DIMT1: variants seen among roughly 807,000 people sequenced by gnomAD.
The protein encoded by DIMT1 is dimethyladenosine transferase.
DIMT1 carries 36 observed loss-of-function variants against 43.2 expected under a neutral mutation model. The observed-to-expected ratio is 0.83, with a 90% CI of 0.64 to 1.10. DIMT1 has a LOEUF of 1.10. DIMT1 is among the 50% of genes least tolerant of loss of function. DIMT1 has a pLI of 0.00. For synonymous variants in DIMT1, 126 were observed against 130.3 expected (o/e 0.97, Z 0.22); for missense variants, 341 against 385.3 (o/e 0.88, Z 0.96).
chr5:62,402,561 G>C lies in DIMT1; in HGVS notation c.154-439C>G, dbSNP rs1478014912. Among the ~76,000 whole-genome samples, 8 of 152,238 alleles carry C rather than the reference G, an allele frequency of 5.3e-5. No individual in the cohort carries two copies. In the South Asian group the frequency reaches 1.7e-3, roughly 31 times the overall value. On this transcript the variant is annotated intron_variant, in intron 2 of 11. Coordinates refer to ENST00000199320, the MANE Select transcript of DIMT1 (RefSeq NM_014473.4). ...AAACTGTACACAAAATTGAATGTCT[G>C]CACACAGCTCTAATATTCTACGGCC...
chr5:62,403,729 C>T lies in DIMT1; in HGVS notation c.44G>A (p.Arg15Gln), dbSNP rs1395551380. 2 of 1,609,728 alleles carry T rather than the reference C, an allele frequency of 1.2e-6. No homozygotes were observed. Among genetic ancestry groups the T allele is most frequent in the South Asian group, 2.2e-5 (2 of 90,886 alleles). The change falls in exon 1 of 12, where the codon CGG (arginine) becomes CAG (glutamine). Residue 15 changes from arginine (R) to glutamine (Q), a missense_variant. Transcript: ENST00000199320. The stretch of plus-strand genomic sequence containing the variant: ...CTTCAGCTCCCGGCGCTGCTCCTGC[C>T]GCCCGCGGCGGCGGCCGATGGCCCC... Reference protein sequence around the residue: ...KSGAIGRRRGRQEQRRELKSA... With the variant: ...KSGAIGRRRGQQEQRRELKSA...
chr5:62,398,137 A>T (rs950055955), intron 6 of DIMT1, among the ~76,000 whole-genome samples: 1 of 152,074 alleles, frequency 6.6e-6, no homozygotes, highest in African/African-American at 2.4e-5. Context: ...GTGCAAAAAA[A>T]TTTTGAAATC....
rs1742109929 is a variant in DIMT1 at position 62,387,828 on chromosome 5, A to T, written c.*1182T>A. The T allele has an allele frequency of 6.6e-6, 1 of 152,172 alleles. No homozygotes were observed. Among genetic ancestry groups the T allele is most frequent in the Admixed American group, 6.5e-5 (1 of 15,274 alleles). The allele number at this position is 152,172 out of a possible 1,614,324, so 9.4% of individuals were successfully genotyped here. A position where few individuals can be genotyped will look rare whatever the true frequency, so the allele number is the denominator to read the frequency against. ...CTTTGTTCTGGATTATACATTAAGA[A>T]CAAGCATTATTTTAATTATGTAGTA... On this transcript the variant is annotated 3_prime_UTR_variant, in exon 12 of 12. Coordinates refer to ENST00000199320, the MANE Select transcript of DIMT1 (RefSeq NM_014473.4).
At chr5:62,396,385 G>A (rs749268315) in intron 6 of DIMT1, among the ~76,000 whole-genome samples, 3 of 151,896 alleles carry the variant, frequency 2.0e-5, no homozygotes, top group Non-Finnish European at 2.9e-5. Flanking sequence ...GCACATGCCC[G>A]TAATCGCAGC....
chr5:62,403,296 T>C lies in DIMT1; in HGVS notation c.130A>G (p.Ile44Val), dbSNP rs759037811. ...ACCTTATCGATAATGCTGTTAATAATGAGAGGATTTTTCAAAATGTGCTGC... is the reference window on the plus strand; with the variant it reads ...ACCTTATCGATAATGCTGTTAATAACGAGAGGATTTTTCAAAATGTGCTGC... ...IGQHILKNPLIINSIIDKAAL... is the reference protein window; with the variant it reads ...IGQHILKNPLVINSIIDKAAL... The change falls in exon 2 of 12, where the codon ATT (isoleucine) becomes GTT (valine). Residue 44 changes from isoleucine to valine, a missense_variant. Ile to Val is a conservative substitution (Grantham distance 29). Transcript: ENST00000199320. 1.2e-6 allele frequency: 2 copies of C among 1,613,744 alleles called. No individual in the cohort carries two copies. Among genetic ancestry groups the C allele is most frequent in the East Asian group, 2.2e-5 (1 of 44,890 alleles).
At chr5:62,392,366 T>C (rs1375560273) in intron 9 of DIMT1, 132 bp from the exon 10 acceptor site, 1 of 693,752 alleles carries the variant, frequency 1.4e-6, no homozygotes, top group Admixed American at 2.9e-5. Context: ...ATTAAATCTA[T>C]ATTCTGTATG....
rs558072824 is a variant in DIMT1 at position 62,388,664 on chromosome 5, A to G, written c.*346T>C. The G allele has an allele frequency of 6.5e-5, 13 of 200,336 alleles. 1 individual carries two copies. In the South Asian group the frequency reaches 1.5e-3, roughly 23 times the overall value. 12.4% of individuals were successfully genotyped at this position (200,336 alleles called of 1,614,324 possible). A position where few individuals can be genotyped will look rare whatever the true frequency, so the allele number is the denominator to read the frequency against. On this transcript the variant is annotated 3_prime_UTR_variant, in exon 12 of 12. Transcript: ENST00000199320. ...TTTTATTACTGGAGGAACAGAGCTAAAGGCCTAAAGAAGGCCTTACAGTAT... is the reference window on the plus strand; with the variant it reads ...TTTTATTACTGGAGGAACAGAGCTAGAGGCCTAAAGAAGGCCTTACAGTAT...
Position 62,389,109 on chromosome 5 carries a change from G to A in DIMT1, c.900-57C>T, listed in dbSNP as rs192503072. 7.8e-5 allele frequency: 113 copies of A among 1,456,048 alleles called. No individual in the cohort carries two copies. The African/African-American group carries it at 1.4e-3, about 18-fold the overall frequency. 90.2% of individuals were successfully genotyped at this position (1,456,048 alleles called of 1,614,324 possible). A position where few individuals can be genotyped will look rare whatever the true frequency, so the allele number is the denominator to read the frequency against. ...GAAAAGCTAATTTGTAGCACATAAC[G>A]GTATATAGTTCTATACCATTAATAC... On this transcript the variant is annotated intron_variant, in intron 11 of 11. Transcript: ENST00000199320.
chr5:62,397,446 C>G (rs1742536813), intron 6 of DIMT1, among the ~76,000 whole-genome samples: 1 of 152,210 alleles, frequency 6.6e-6, no homozygotes, highest in East Asian at 1.9e-4. Flanking sequence ...GCTAAACCAA[C>G]TGTGATGTCT....
At chr5:62,400,047 C>T (rs538816991) in intron 3 of DIMT1, among the ~76,000 whole-genome samples, 1 of 152,192 alleles carries the variant, frequency 6.6e-6, no homozygotes, top group Admixed American at 6.5e-5. Flanking sequence ...GAAAAAAATA[C>T]ACTACATGTC....
intron 6 of DIMT1, 33 bp from the exon 7 acceptor site, chr5:62,394,640 G>T: frequency 6.2e-7 from 1 of 1,610,338 alleles, no homozygotes; most frequent in South Asian, 1.1e-5. Flanking sequence ...TAAGGAAAAT[G>T]GTCATTGTCA....
At chr5:62,389,153 T>C (rs890363781) in intron 11 of DIMT1, 101 bp from the exon 12 acceptor site, 6 of 1,048,646 alleles carry the variant, frequency 5.7e-6, no homozygotes, top group African/African-American at 1.6e-5. Context: ...GAATACAGCA[T>C]GCTTACAGAG....
chr5:62,393,034 G>A, intron 8 of DIMT1, 44 bp from the exon 9 acceptor site: 1 of 1,388,532 alleles, frequency 7.2e-7, no homozygotes, highest in Non-Finnish European at 1.0e-6. Flanking sequence ...CAAACTTCTT[G>A]TTCTTGTCTA....
chr5:62,393,903 C>A lies in DIMT1; in HGVS notation c.663+52G>T, dbSNP rs531510800. 17 of 1,521,740 alleles carry A rather than the reference C, an allele frequency of 1.1e-5. No individual in the cohort carries two copies. The South Asian group carries it at 2.1e-4, about 18-fold the overall frequency. The allele number at this position is 1,521,740 out of a possible 1,614,324, so 94.3% of individuals were successfully genotyped here. On this transcript the variant is annotated intron_variant, in intron 8 of 11. Coordinates refer to ENST00000199320, the MANE Select transcript of DIMT1 (RefSeq NM_014473.4). Reference sequence around the variant, plus strand: ...TTCTGCTGTTATAGGCACACATCTTCCCGCCTGGACTTTTTTTTCCTTTAT... The same window carrying A: ...TTCTGCTGTTATAGGCACACATCTTACCGCCTGGACTTTTTTTTCCTTTAT...
chr5:62,389,485 C>CAAAAAAAAAAAAAAAAAAA (rs775533413), intron 11 of DIMT1, among the ~76,000 whole-genome samples: 58 of 75,820 alleles, frequency 7.6e-4, no homozygotes, highest in Middle Eastern at 7.8e-3. Context: ...GACTCTGTCT[C>CAAAAAAAAAAAAAAAAAAA]AAAAAAAAAA....
rs746060462 is a variant in DIMT1, at chr5:62,392,216, T to C, written c.747A>G (p.Gln249=). ...GAATTCTGTAGTTTTTTTCCAAGAG[T>C]TGTTGCACTGCACTTGATCTATAGC... ...SAAFKSSAVQ[Q]LLEKNYRIHC... Residue 249 remains glutamine (Q), a synonymous_variant, in exon 10 of 12, where the codon CAA becomes CAG. Coordinates refer to ENST00000199320, the MANE Select transcript of DIMT1 (RefSeq NM_014473.4). 4.3e-6 allele frequency: 7 copies of C among 1,613,460 alleles called. No individual in the cohort carries two copies. The highest frequency in any genetic ancestry group is 5.1e-6 in the Non-Finnish European group (6 of 1,179,722).
rs1262637222 is a variant in DIMT1, at chr5:62,388,875, C to A, written c.*135G>T. ...TAAAATTCAGAATCATAAATGGTGA[C>A]AACAGTAGTAGTATTGAACCAAAAA... On this transcript the variant is annotated 3_prime_UTR_variant, in exon 12 of 12. Coordinates refer to ENST00000199320, the MANE Select transcript of DIMT1 (RefSeq NM_014473.4). 2.6e-6 allele frequency: 2 copies of A among 757,574 alleles called. No homozygotes were observed. The highest frequency in any genetic ancestry group is 1.8e-5 in the African/African-American group (1 of 55,970). 46.9% of individuals were successfully genotyped at this position (757,574 alleles called of 1,614,324 possible). A position where few individuals can be genotyped will look rare whatever the true frequency, so the allele number is the denominator to read the frequency against.
chr5:62,396,379 A>G (rs1470883078), intron 6 of DIMT1, among the ~76,000 whole-genome samples: 1 of 151,994 alleles, frequency 6.6e-6, no homozygotes, highest in Non-Finnish European at 1.5e-5. Flanking sequence ...GTGGTGGCAC[A>G]TGCCCGTAAT....
At chr5:62,397,523 A>G (rs1039352836) in intron 6 of DIMT1, among the ~76,000 whole-genome samples, 1 of 152,178 alleles carries the variant, frequency 6.6e-6, no homozygotes, top group Non-Finnish European at 1.5e-5. Flanking sequence ...AACAAGATGA[A>G]TGTTTTCCCA....
Sources: gnomAD v4.1 joint callset for allele counts (sites outside exome capture counted in the v4.1 genomes callset) on GRCh38, gnomAD v4.1.1 for gene constraint, MANE v1.5 for transcripts, NCBI Gene and HGNC (gene_info 2026-07-23, HGNC 2026-07-21) for gene names.